The following KCNIP4 variants were observed in gnomAD, a reference collection of about 807,000 sequenced individuals.
The protein encoded by KCNIP4 is potassium voltage-gated channel interacting protein 4.
KCNIP4 carries 12 observed loss-of-function variants against 34.0 expected under a neutral mutation model. The observed-to-expected ratio is 0.35, with a 90% CI of 0.23 to 0.57. The LOEUF (loss-of-function observed/expected upper bound fraction) is 0.57. Ranked by LOEUF, KCNIP4 falls within the 20% of genes least tolerant of loss-of-function variation. The pLI is 0.83. For synonymous variants in KCNIP4, 124 were observed against 102.2 expected, an observed-to-expected ratio of 1.21 and a Z score of -1.29; for missense variants, 238 against 311.7, an observed-to-expected ratio of 0.76 and a Z score of 1.78.
chr4:21,263,688 G>T (rs1034545625), intron 1 of KCNIP4, among the ~76,000 whole-genome samples: 3 of 151,866 alleles, frequency 2.0e-5, no homozygotes, highest in Non-Finnish European at 2.9e-5. Context: ...TATTTTTTGC[G>T]ACAGGGTCTC....
intron 1 of KCNIP4, among the ~76,000 whole-genome samples, chr4:21,482,271 C>T (rs1183145088): frequency 3.3e-5 from 5 of 152,110 alleles, no homozygotes; most frequent in Admixed American, 3.3e-4. Context: ...ATCCAATTTG[C>T]CAGTCTGTGT....
At chr4:21,155,627 G>A (rs991017648) in intron 1 of KCNIP4, among the ~76,000 whole-genome samples, 2 of 152,178 alleles carry the variant, frequency 1.3e-5, no homozygotes, top group African/African-American at 2.4e-5. Context: ...TTCGGAAGGA[G>A]TCACTTGTCA....
intron 1 of KCNIP4, among the ~76,000 whole-genome samples, chr4:21,904,033 A>G (rs1403563731): frequency 2.0e-5 from 3 of 152,160 alleles, no homozygotes; most frequent in Admixed American, 1.3e-4. Context: ...GCTTTACTTC[A>G]TTGTTATCTT....
chr4:21,093,689 C>T (rs10019337), intron 1 of KCNIP4, among the ~76,000 whole-genome samples: 50,456 of 151,982 alleles, frequency 0.33, 10,181 homozygotes, highest in African/African-American at 0.58. Context: ...GACAAAACTT[C>T]TTTTTAGTAA....
chr4:20,933,530 A>G (rs1287181692), intron 1 of KCNIP4, among the ~76,000 whole-genome samples: 4 of 152,204 alleles, frequency 2.6e-5, no homozygotes, highest in African/African-American at 9.6e-5. Context: ...GACTATCATT[A>G]CATGGTTTCA....
At chr4:21,571,678 A>C (rs1740380144) in intron 1 of KCNIP4, among the ~76,000 whole-genome samples, 1 of 152,182 alleles carries the variant, frequency 6.6e-6, no homozygotes, top group African/African-American at 2.4e-5. Context: ...TCTGGCTTGC[A>C]GAAGAGACAC....
At chr4:21,844,768 G>A (rs1723904213) in intron 1 of KCNIP4, 1 of 151,972 alleles carries the variant, frequency 6.6e-6, no homozygotes, top group African/African-American at 2.4e-5. Context: ...TGTTCATGAA[G>A]TCATTCTATT....
At chr4:21,465,173 A>G (rs1273585788) in intron 1 of KCNIP4, among the ~76,000 whole-genome samples, 1 of 152,130 alleles carries the variant, frequency 6.6e-6, no homozygotes, top group African/African-American at 2.4e-5. Context: ...TTAGTCATTC[A>G]TAAGCACTGA....
At chr4:21,058,677 A>G (rs1361515528) in intron 1 of KCNIP4, among the ~76,000 whole-genome samples, 1 of 152,168 alleles carries the variant, frequency 6.6e-6, no homozygotes, top group Admixed American at 6.6e-5. Flanking sequence ...TTAAAAACAT[A>G]TAAGGAATTT....
chr4:21,572,277 G>A (rs1456331489), intron 1 of KCNIP4, among the ~76,000 whole-genome samples: 1 of 152,156 alleles, frequency 6.6e-6, no homozygotes, highest in Non-Finnish European at 1.5e-5. Flanking sequence ...TTAACAAAAT[G>A]TGTTGCTTAT....
At chr4:21,849,429 G>A (rs1724230904) in intron 1 of KCNIP4, 1 of 151,976 alleles carries the variant, frequency 6.6e-6, no homozygotes, top group African/African-American at 2.4e-5. Flanking sequence ...CTGCAAATCA[G>A]TCTGGACATC....
chr4:20,995,989 G>A (rs1737517681), intron 1 of KCNIP4, among the ~76,000 whole-genome samples: 1 of 152,208 alleles, frequency 6.6e-6, no homozygotes, highest in South Asian at 2.1e-4. Context: ...GAAAGTGGAA[G>A]GGTGATGTTA....
At chr4:21,284,748 G>T (rs1341956529) in intron 1 of KCNIP4, among the ~76,000 whole-genome samples, 1 of 148,724 alleles carries the variant, frequency 6.7e-6, no homozygotes, top group Admixed American at 6.8e-5. Context: ...GTGTGTGTGT[G>T]TGTGTGTGTG....
intron 1 of KCNIP4, among the ~76,000 whole-genome samples, chr4:21,010,063 C>T (rs910192362): frequency 6.6e-6 from 1 of 152,210 alleles, no homozygotes. Flanking sequence ...ACCCTAATTA[C>T]TTCCCAAAGG....
At chr4:20,746,214 C>G (rs1367343633) in intron 5 of KCNIP4, among the ~76,000 whole-genome samples, 1 of 152,132 alleles carries the variant, frequency 6.6e-6, no homozygotes, top group Non-Finnish European at 1.5e-5. Flanking sequence ...AGGATGAGTT[C>G]ATGTCCTTTG....
intron 1 of KCNIP4, among the ~76,000 whole-genome samples, chr4:21,436,353 A>T (rs1347949696): frequency 1.3e-5 from 2 of 152,186 alleles, no homozygotes; most frequent in Non-Finnish European, 2.9e-5. Flanking sequence ...AGGTTCCAGG[A>T]ACTTGAGGTT....
intron 1 of KCNIP4, among the ~76,000 whole-genome samples, chr4:21,593,197 C>G (rs184314807): frequency 1.0e-3 from 156 of 151,404 alleles, no homozygotes; most frequent in South Asian, 2.5e-3. Context: ...GATACCAGGG[C>G]AAGGAGCAGA....
intron 1 of KCNIP4, among the ~76,000 whole-genome samples, chr4:21,171,250 G>T (rs1459089549): frequency 6.6e-6 from 1 of 152,176 alleles, no homozygotes; most frequent in Non-Finnish European, 1.5e-5. Flanking sequence ...CTACTAACCA[G>T]TGGGCAACTG....
At chr4:20,749,779 C>T in intron 4 of KCNIP4, 47 bp from the exon 5 acceptor site, 1 of 1,283,342 alleles carries the variant, frequency 7.8e-7, no homozygotes, top group Non-Finnish European at 1.1e-6. Context: ...TTTCCATATC[C>T]TACATAAGAC....
Sources: gnomAD v4.1 joint callset for allele counts (sites outside exome capture counted in the v4.1 genomes callset) on GRCh38, gnomAD v4.1.1 for gene constraint, MANE v1.5 for transcripts, NCBI Gene and HGNC (gene_info 2026-07-23, HGNC 2026-07-21) for gene names.